The following C4orf51 variants were observed in gnomAD, a reference collection of about 807,000 sequenced individuals.
The protein encoded by C4orf51 is chromosome 4 open reading frame 51, also known as uncharacterized protein C4orf51.
C4orf51 carries 25 observed loss-of-function variants against 25.2 expected under a neutral mutation model. That is an observed-to-expected ratio of 0.99 (90% CI 0.72 to 1.39). C4orf51 has a LOEUF of 1.39. Ranked by LOEUF, C4orf51 falls within the 40% of genes most tolerant of loss-of-function variation. The pLI is 0.00. For missense variants in C4orf51, 252 were observed against 239.6 expected (o/e 1.05, Z -0.34); for synonymous variants, 100 against 84.5 (o/e 1.18, Z -1.01).
the C4orf51 span, among the ~76,000 whole-genome samples, chr4:145,779,210 C>G: frequency 2.6e-5 from 4 of 152,188 alleles, no homozygotes; most frequent in East Asian, 1.9e-4. Context: ...AATAAAAAAG[C>G]CTTTCCAAGG....
Position 145,761,595 on chromosome 4 carries a change from G to A in C4orf51, n.167-9393G>A, listed in dbSNP as rs1734503675. ...GGTTGGTGGAATAAATGCAGAATGGGCACCTGCCGGGGAAAGCAACGCAAG... is the reference window on the plus strand; with the variant it reads ...GGTTGGTGGAATAAATGCAGAATGGACACCTGCCGGGGAAAGCAACGCAAG... On this transcript the variant is annotated intron_variant and non_coding_transcript_variant, in intron 1 of 1. Transcript: ENST00000510096. The surrounding 1 kb of genome is among the most constrained non-coding windows in gnomAD (Gnocchi z 6.8). 3 of 1,256,566 alleles carry A rather than the reference G, an allele frequency of 2.4e-6. No individual in the cohort carries two copies. Among genetic ancestry groups the A allele is most frequent in the African/African-American group, 1.5e-5 (1 of 65,410 alleles). The allele number at this position is 1,256,566 out of a possible 1,614,324, so 77.8% of individuals were successfully genotyped here. A position where few individuals can be genotyped will look rare whatever the true frequency, so the allele number is the denominator to read the frequency against.
intron 2 of C4orf51, among the ~76,000 whole-genome samples, chr4:145,699,666 C>G (rs986896360): frequency 2.6e-5 from 4 of 152,218 alleles, no homozygotes; most frequent in Non-Finnish European, 5.9e-5. Context: ...GATTATCTAC[C>G]CACGTTTCAA....
chr4:145,723,849 A>G (rs1246947098), intron 2 of C4orf51, among the ~76,000 whole-genome samples: 3 of 152,190 alleles, frequency 2.0e-5, no homozygotes, highest in Non-Finnish European at 4.4e-5. Context: ...CTATTTTGTG[A>G]ACTGTGACCT....
At chr4:145,776,727 T>C in the C4orf51 span, among the ~76,000 whole-genome samples, 1 of 152,108 alleles carries the variant, frequency 6.6e-6, no homozygotes, top group African/African-American at 2.4e-5. Context: ...TCATTTTCCC[T>C]AAGCTCCTGG....
chr4:145,755,645 T>C (rs1423353012), downstream of C4orf51, among the ~76,000 whole-genome samples: 2 of 152,214 alleles, frequency 1.3e-5, no homozygotes, highest in Admixed American at 6.5e-5. Flanking sequence ...TCAGATGTTG[T>C]ACAGGGAAAA....
At chr4:145,683,181 G>A (rs1674632059) in intron 1 of C4orf51, among the ~76,000 whole-genome samples, 1 of 151,908 alleles carries the variant, frequency 6.6e-6, no homozygotes, top group African/African-American at 2.4e-5. Context: ...AAACACTTAG[G>A]TATAAATCTA....
In C4orf51 at chr4:145,729,586, C is replaced by A. The variant is rs766605926; in HGVS notation, c.428-306C>A. Among the ~76,000 whole-genome samples the A allele has an allele frequency of 2.0e-5, 3 of 152,166 alleles. No homozygotes were observed. In the South Asian group the frequency reaches 6.2e-4, roughly 32 times the overall value. On this transcript the variant is annotated intron_variant, in intron 4 of 5. Transcript: ENST00000438731. ...AAAGTGCTGGGATTACAGGCGTGAGCCACCATGCCCGGTCCTTTCATGTGA... is the reference window on the plus strand; with the variant it reads ...AAAGTGCTGGGATTACAGGCGTGAGACACCATGCCCGGTCCTTTCATGTGA...
At chr4:145,694,276 T>C in intron 1 of C4orf51, among the ~76,000 whole-genome samples, 1 of 132,622 alleles carries the variant, frequency 7.5e-6, no homozygotes, top group African/African-American at 3.0e-5. Context: ...GCTCCTCACT[T>C]TCCAGACTGG....
intron 1 of C4orf51, among the ~76,000 whole-genome samples, chr4:145,745,493 C>T (rs1733325080): frequency 6.6e-6 from 1 of 152,108 alleles, no homozygotes; most frequent in Non-Finnish European, 1.5e-5. Flanking sequence ...CTATGTCCAG[C>T]TTATTTCACT....
At chr4:145,759,284 C>CT (rs1463040362), downstream of C4orf51, 1 of 151,882 alleles carries the variant, frequency 6.6e-6, no homozygotes, top group Non-Finnish European at 1.5e-5. Context: ...GATTTTTTTC[C>CT]TTTTTTCTTT....
intron 1 of C4orf51, chr4:145,760,266 C>T (rs1381957363): frequency 1.3e-5 from 2 of 152,226 alleles, no homozygotes; most frequent in African/African-American, 2.4e-5. Flanking sequence ...GAACGTTCAT[C>T]GCTGTTAAAG....
intron 2 of C4orf51, among the ~76,000 whole-genome samples, chr4:145,721,017 C>A: frequency 6.6e-6 from 1 of 152,162 alleles, no homozygotes; most frequent in East Asian, 1.9e-4. Context: ...GTATGCCTTG[C>A]TGTGAGAAGT....
chr4:145,751,875 C>T (rs1733696370), intron 1 of C4orf51, among the ~76,000 whole-genome samples: 1 of 152,202 alleles, frequency 6.6e-6, no homozygotes, highest in African/African-American at 2.4e-5. Context: ...TCCCACTTTT[C>T]CTTTCCCTTT....
chr4:145,789,449 A>G, the C4orf51 span, among the ~76,000 whole-genome samples: 1 of 152,348 alleles, frequency 6.6e-6, no homozygotes, highest in East Asian at 1.9e-4. Context: ...TGGAGGACTG[A>G]CCACTGCATT....
chr4:145,731,562 A>ATTTTTTT (rs1732465657), intron 5 of C4orf51, among the ~76,000 whole-genome samples: 2 of 93,242 alleles, frequency 2.1e-5, no homozygotes, highest in Non-Finnish European at 4.2e-5. Flanking sequence ...GACAAGGCAA[A>ATTTTTTT]TCTTTTTTTT....
At chr4:145,685,599 G>A (rs778805404) in intron 1 of C4orf51, among the ~76,000 whole-genome samples, 6 of 152,154 alleles carry the variant, frequency 3.9e-5, no homozygotes, top group Non-Finnish European at 8.8e-5. Context: ...AAACAGAATA[G>A]GGATTTTCAC....
Position 145,726,983 on chromosome 4 carries a change from T to A in C4orf51, c.366+14T>A. The stretch of plus-strand genomic sequence containing the variant: ...AAGCATGGAGTGGTAAGCCCAACAT[T>A]TCTCAGCAATCTCTTACCTGTAGAG... On this transcript the variant is annotated intron_variant, in intron 3 of 5. Coordinates refer to ENST00000438731, the MANE Select transcript of C4orf51 (RefSeq NM_001080531.3). The A allele has an allele frequency of 1.2e-6, 2 of 1,605,516 alleles. No individual in the cohort carries two copies. Among genetic ancestry groups the A allele is most frequent in the South Asian group, 2.2e-5 (2 of 90,848 alleles).
chr4:145,699,553 C>T (rs1370908342), intron 2 of C4orf51, among the ~76,000 whole-genome samples: 1 of 152,172 alleles, frequency 6.6e-6, no homozygotes, highest in African/African-American at 2.4e-5. Flanking sequence ...CTGGTAGAGA[C>T]AAAGGAGACA....
At chr4:145,696,469 G>A in intron 1 of C4orf51, 90 bp from the exon 2 acceptor site, 1 of 1,075,012 alleles carries the variant, frequency 9.3e-7, no homozygotes. Flanking sequence ...TTTAAAAAAA[G>A]ATGAATGGAA....
Sources: gnomAD v4.1 joint callset for allele counts (sites outside exome capture counted in the v4.1 genomes callset) on GRCh38, gnomAD v4.1.1 for gene constraint, Gnocchi (gnomAD v3.1) non-coding constraint, MANE v1.5 for transcripts, NCBI Gene and HGNC (gene_info 2026-07-23, HGNC 2026-07-21) for gene names.